ENOSF1: variants seen among roughly 807,000 people sequenced by gnomAD.
The protein encoded by ENOSF1 is enolase superfamily member 1, also known as mitochondrial enolase superfamily member 1.
Under a neutral mutation model 68.2 loss-of-function variants are expected in ENOSF1, and 73 were observed. The ratio of observed to expected loss-of-function variants is 1.07; its 90% CI spans 0.89 to 1.30. The LOEUF (loss-of-function observed/expected upper bound fraction) is 1.30. Among genes scored for constraint, ENOSF1 ranks in the 50% most tolerant of loss-of-function variants. The pLI is 0.00. For missense variants in ENOSF1, 589 were observed against 554.5 expected (o/e 1.06, Z -0.62); for synonymous variants, 223 against 210.4 (o/e 1.06, Z -0.52).
chr18:697,443 A>T (rs2077859286), intron 2 of ENOSF1, 88 bp from the exon 3 acceptor site: 1 of 1,075,054 alleles, frequency 9.3e-7, no homozygotes, highest in Non-Finnish European at 1.4e-6. Flanking sequence ...AACAAATGTG[A>T]AAGTTTTATG....
chr18:666,467 C>A (rs2074818076), downstream of ENOSF1, among the ~76,000 whole-genome samples: 1 of 152,150 alleles, frequency 6.6e-6, no homozygotes, highest in Non-Finnish European at 1.5e-5. Context: ...TTGGTGTCAC[C>A]TCTTACTGGA....
intron 11 of ENOSF1, among the ~76,000 whole-genome samples, chr18:681,917 A>G (rs2076118949): frequency 6.6e-6 from 1 of 152,168 alleles, no homozygotes; most frequent in Non-Finnish European, 1.5e-5. Flanking sequence ...TGCTGAGAGA[A>G]ACAGAGAACT....
chr18:686,107 C>A lies in ENOSF1; in HGVS notation c.654-99G>T, dbSNP rs543469060. On this transcript the variant is annotated intron_variant, in intron 9 of 15. Coordinates refer to ENST00000647584, the MANE Select transcript of ENOSF1 (RefSeq NM_017512.7). ...AGTGACCGTCTCTGTCAACAATTCA[C>A]AGATATGTTTTTTAGTAACCTCTTG... is the stretch of plus-strand genomic sequence containing the variant. The A allele has an allele frequency of 8.9e-5, 75 of 844,808 alleles. No homozygotes were observed. The South Asian group carries it at 1.0e-3, about 11-fold the overall frequency. 52.3% of individuals were successfully genotyped at this position (844,808 alleles called of 1,614,324 possible).
downstream of ENOSF1, among the ~76,000 whole-genome samples, chr18:669,684 T>C (rs16948322): frequency 0.4 from 60,106 of 151,816 alleles, 12,978 homozygotes; most frequent in East Asian, 0.68. Context: ...CCAAAAAGGG[T>C]TTTAAATTGC....
chr18:707,492 A>AT, intron 1 of ENOSF1: 1 of 152,350 alleles, frequency 6.6e-6, no homozygotes, highest in East Asian at 1.9e-4. Flanking sequence ...AGGGCTGAAA[A>AT]TACATTGGCA....
Position 678,854 on chromosome 18 carries a change from G to C in ENOSF1, c.877-117C>G, listed in dbSNP as rs972648947. On this transcript the variant is annotated intron_variant, in intron 11 of 15. Coordinates refer to ENST00000647584, the MANE Select transcript of ENOSF1 (RefSeq NM_017512.7). The stretch of plus-strand genomic sequence containing the variant: ...GGCCCTGCTGTTAAGCCATGTGAAG[G>C]CTCAAGACTGGCAAAGGATGTCCAG... 14 of 1,038,040 alleles carry C rather than the reference G, an allele frequency of 1.3e-5. 1 individual carries two copies. Among genetic ancestry groups the C allele is most frequent in the Admixed American group, 2.0e-5 (1 of 50,328 alleles). 64.3% of individuals were successfully genotyped at this position (1,038,040 alleles called of 1,614,324 possible). A position where few individuals can be genotyped will look rare whatever the true frequency, so the allele number is the denominator to read the frequency against.
At position 694,235 on chromosome 18, in the gene ENOSF1, T is replaced by C. The variant is rs2077493437; in HGVS notation, c.396+13A>G. 1 of 1,613,548 alleles carries C rather than the reference T, an allele frequency of 6.2e-7. No individual in the cohort carries two copies. Among genetic ancestry groups the C allele is most frequent in the Non-Finnish European group, 8.5e-7 (1 of 1,179,716 alleles). ...CTCCCAGGAGCCTCCTGAGCGTTTG[T>C]GAGAGGGGTTACCTTTCCCTCCTGC... On this transcript the variant is annotated intron_variant, in intron 4 of 15. Coordinates refer to ENST00000647584, the MANE Select transcript of ENOSF1 (RefSeq NM_017512.7).
At chr18:667,071 T>C (rs867337707), downstream of ENOSF1, among the ~76,000 whole-genome samples, 2 of 49,670 alleles carry the variant, frequency 4.0e-5, no homozygotes, top group African/African-American at 3.4e-4. Context: ...ATGGTGATGG[T>C]GATGGAGATG....
the ENOSF1 span, among the ~76,000 whole-genome samples, chr18:664,461 A>C: frequency 7.0e-6 from 1 of 143,706 alleles, no homozygotes; most frequent in Non-Finnish European, 1.5e-5. Context: ...TGTCGTCTGC[A>C]AACAGGGACA....
At chr18:676,631 T>C (rs1185359328) in intron 14 of ENOSF1, among the ~76,000 whole-genome samples, 2 of 152,224 alleles carry the variant, frequency 1.3e-5, no homozygotes, top group Non-Finnish European at 2.9e-5. Context: ...GTCTCAGGTA[T>C]TTCTTTATAG....
intron 3 of ENOSF1, 111 bp from the exon 4 acceptor site, chr18:694,445 A>G (rs2077515075): frequency 2.3e-6 from 2 of 886,676 alleles, no homozygotes; most frequent in South Asian, 3.2e-5. Flanking sequence ...AGCCTGGCCA[A>G]CATGGTGAAA....
Position 694,290 on chromosome 18 carries a change from G to A in ENOSF1, c.354C>T (p.Val118=). ...KGVVHLATAA[V]LNAVWDLWAK... ...CCCACAAGTCCCACACCGCGTTTAG[G>A]ACGGCCGCTGTCGCCAGGTGCACCA... is the stretch of plus-strand genomic sequence containing the variant. Residue 118 remains valine, a synonymous_variant, in exon 4 of 16, where the codon GTC becomes GTT. Coordinates refer to ENST00000647584, the MANE Select transcript of ENOSF1 (RefSeq NM_017512.7). 6.2e-7 allele frequency: 1 copy of A among 1,614,162 alleles called. No individual in the cohort carries two copies. Among genetic ancestry groups the A allele is most frequent in the Non-Finnish European group, 8.5e-7 (1 of 1,180,042 alleles).
intron 2 of ENOSF1, among the ~76,000 whole-genome samples, chr18:705,755 TC>T (rs1328847762): frequency 6.6e-6 from 1 of 151,978 alleles, no homozygotes; most frequent in Non-Finnish European, 1.5e-5. Context: ...ACACCTGTAA[TC>T]CCAGCACTTT....
downstream of ENOSF1, chr18:667,571 A>ATGGCGATGGCGATGGC (rs1368458016): frequency 1.1e-4 from 3 of 27,950 alleles, no homozygotes; most frequent in African/African-American, 7.9e-4. Context: ...ATGGTGATGG[A>ATGGCGATGGCGATGGC]GATGGTGATG....
intron 1 of ENOSF1, chr18:707,535 A>C (rs2079064570): frequency 6.6e-6 from 1 of 152,252 alleles, no homozygotes; most frequent in Non-Finnish European, 1.5e-5. Context: ...AAAATGAAGA[A>C]GTAAAGCTTC....
At chr18:663,792 G>A in the ENOSF1 span, among the ~76,000 whole-genome samples, 1 of 102,534 alleles carries the variant, frequency 9.8e-6, no homozygotes, top group Non-Finnish European at 1.9e-5. Context: ...CCCATTGCTT[G>A]TTTTTCTCAG....
chr18:672,765 T>G lies in ENOSF1; in HGVS notation c.*1540A>C. On this transcript the variant is annotated 3_prime_UTR_variant, in exon 16 of 16. Coordinates refer to ENST00000647584, the MANE Select transcript of ENOSF1 (RefSeq NM_017512.7). ...CATACTCCTGTAAAATAGAACTTTG[T>G]TGATCACATCCTGTGTACTTGTTTC... 1 of 1,365,826 alleles carries G rather than the reference T, an allele frequency of 7.3e-7. No individual in the cohort carries two copies. The highest frequency in any genetic ancestry group is 1.4e-5 in the African/African-American group (1 of 69,832). 84.6% of individuals were successfully genotyped at this position (1,365,826 alleles called of 1,614,324 possible).
chr18:700,308 A>AT (rs1266141271), intron 2 of ENOSF1, among the ~76,000 whole-genome samples: 1 of 152,164 alleles, frequency 6.6e-6, no homozygotes, highest in Non-Finnish European at 1.5e-5. Flanking sequence ...TTGAAGGTTG[A>AT]TGCTCTTGAA....
Position 706,483 on chromosome 18 carries a change from T to C in ENOSF1, c.180A>G (p.Lys60=). The part of the protein sequence containing the change: ...KGCGITFTLG[K]GTEVVVCAVN... Reference sequence around the variant, plus strand: ...TCTTCAACTCACCAACTTCAGTGCCTTTTCCCAGAGTGAAGGTAATTCCAC... The same window carrying C: ...TCTTCAACTCACCAACTTCAGTGCCCTTTCCCAGAGTGAAGGTAATTCCAC... Residue 60 remains lysine, a synonymous_variant, in exon 2 of 16, where the codon AAA becomes AAG. Coordinates refer to ENST00000647584, the MANE Select transcript of ENOSF1 (RefSeq NM_017512.7). 1 of 1,610,482 alleles carries C rather than the reference T, an allele frequency of 6.2e-7. No homozygotes were observed. The highest frequency in any genetic ancestry group is 1.3e-5 in the African/African-American group (1 of 74,974).
Sources: gnomAD v4.1 joint callset for allele counts (sites outside exome capture counted in the v4.1 genomes callset) on GRCh38, gnomAD v4.1.1 for gene constraint, MANE v1.5 for transcripts, NCBI Gene and HGNC (gene_info 2026-07-23, HGNC 2026-07-21) for gene names.